ANKRD11: variants seen among roughly 807,000 people sequenced by gnomAD.
ANKRD11 encodes the protein ankyrin repeat domain-containing protein 11.
Under a neutral mutation model 195.7 loss-of-function variants are expected in ANKRD11, and 17 were observed. The observed-to-expected ratio is 0.09, with a 90% confidence interval of 0.06 to 0.13. The LOEUF is 0.13. Ranked by LOEUF, ANKRD11 falls within the 10% of genes least tolerant of loss-of-function variation. The pLI, the probability that ANKRD11 is intolerant of heterozygous loss-of-function variation, is 1.00. For missense variants in ANKRD11, 3,735 were observed against 3,566.1 expected (o/e 1.05, Z -1.21); for synonymous variants, 1,953 against 1,528.1 (o/e 1.28, Z -6.49).
chr16:89,316,878 C>T (rs1012936744), intron 3 of ANKRD11, 55 bp downstream of exon 3: 40 of 1,587,064 alleles, frequency 2.5e-5, no homozygotes, highest in Non-Finnish European at 3.3e-5. Context: ...CCCATTCCCA[C>T]CTCATCCCCA....
chr16:89,280,242 A>G lies in ANKRD11; in HGVS notation c.6300T>C (p.Asn2100=), dbSNP rs2034075826. The G allele has an allele frequency of 1.9e-6, 3 of 1,608,218 alleles. No homozygotes were observed. The highest frequency in any genetic ancestry group is 2.2e-5 in the East Asian group (1 of 44,832). ...AQVEALGPLE[N]SFLDGSRGLS... is the part of the protein sequence containing the mutation. ...GGCCGCGGCTGCCGTCCAGGAAGCTATTTTCCAGGGGCCCCAGAGCCTCCA... is the reference window on the plus strand; with the variant it reads ...GGCCGCGGCTGCCGTCCAGGAAGCTGTTTTCCAGGGGCCCCAGAGCCTCCA... The change falls in exon 9 of 13, where the codon AAT becomes AAC. Residue 2100 remains asparagine, a synonymous_variant. Transcript: ENST00000301030.
chr16:89,279,829 C>T lies in ANKRD11; in HGVS notation c.6713G>A (p.Ser2238Asn), dbSNP rs1249199496. ...EERARGDPDS[S>N]VEPAPVPPEQ... ...TGGGGGAACGGGCGCGGGCTCCACG[C>T]TGGAGTCCGGATCCCCACGGGCCCT... The change falls in exon 9 of 13, where the codon AGC becomes AAC. Residue 2238 changes from serine (S) to asparagine (N), a missense_variant. Coordinates refer to ENST00000301030, the MANE Select transcript of ANKRD11 (RefSeq NM_013275.6). This position sits in a 1 kb window ranked among gnomAD's most constrained non-coding sequence, Gnocchi z 5.6. 1 of 1,546,262 alleles carries T rather than the reference C, an allele frequency of 6.5e-7. No homozygotes were observed. The highest frequency in any genetic ancestry group is 8.7e-7 in the Non-Finnish European group (1 of 1,147,964).
At chr16:89,375,474 T>C (rs2152091190) in intron 2 of ANKRD11, among the ~76,000 whole-genome samples, 1 of 152,064 alleles carries the variant, frequency 6.6e-6, no homozygotes, top group East Asian at 1.9e-4. Context: ...CTTTTTTTTT[T>C]TGGAGATGGA....
intron 4 of ANKRD11, among the ~76,000 whole-genome samples, chr16:89,295,968 C>T (rs2035400456): frequency 9.5e-6 from 1 of 105,704 alleles, no homozygotes; most frequent in African/African-American, 3.7e-5. Context: ...CAGGGAGTGT[C>T]TTCTCTATCT....
At chr16:89,410,451 C>T (rs1257274374) in intron 2 of ANKRD11, among the ~76,000 whole-genome samples, 1 of 152,066 alleles carries the variant, frequency 6.6e-6, no homozygotes, top group Non-Finnish European at 1.5e-5. Context: ...TGGTCTTAGC[C>T]CTCAGACCAG....
At chr16:89,407,775 A>G (rs540549881) in intron 2 of ANKRD11, among the ~76,000 whole-genome samples, 1 of 149,872 alleles carries the variant, frequency 6.7e-6, no homozygotes, top group East Asian at 2.0e-4. Context: ...GCTTGAGCCC[A>G]GGAGGCAGAG....
At chr16:89,347,368 G>A (rs1190863034) in intron 2 of ANKRD11, among the ~76,000 whole-genome samples, 1 of 152,174 alleles carries the variant, frequency 6.6e-6, no homozygotes, top group Non-Finnish European at 1.5e-5. Flanking sequence ...CCAGCACTTT[G>A]AGAGGCCAAG....
chr16:89,358,186 C>T (rs769690332), intron 2 of ANKRD11, among the ~76,000 whole-genome samples: 2 of 152,202 alleles, frequency 1.3e-5, no homozygotes, highest in African/African-American at 2.4e-5. Context: ...CCACCACGTG[C>T]GGGCAGACAC....
At chr16:89,462,074 C>A (rs1197628309) in intron 1 of ANKRD11, among the ~76,000 whole-genome samples, 1 of 88,414 alleles carries the variant, frequency 1.1e-5, no homozygotes, top group African/African-American at 3.7e-5. Context: ...CTCTCCCTCT[C>A]CCTCTCCCCA....
At chr16:89,426,867 C>T (rs553488854) in intron 1 of ANKRD11, among the ~76,000 whole-genome samples, 20 of 152,310 alleles carry the variant, frequency 1.3e-4, no homozygotes, top group African/African-American at 4.8e-4. Context: ...TCAACAATCG[C>T]TTAGTTATTT....
At chr16:89,479,167 G>T (rs79229765) in intron 1 of ANKRD11, among the ~76,000 whole-genome samples, 6,050 of 151,952 alleles carry the variant, frequency 0.04, 254 homozygotes, top group East Asian at 0.22. Flanking sequence ...AGTCCCTGAA[G>T]ATTCAGGTGA....
At chr16:89,487,009 A>AC (rs1242219673) in intron 1 of ANKRD11, among the ~76,000 whole-genome samples, 1 of 40,678 alleles carries the variant, frequency 2.5e-5, no homozygotes, top group Admixed American at 2.7e-4. Flanking sequence ...ACTCCGTCTC[A>AC]AAAAAAAAAA....
At chr16:89,274,233 G>A (rs920996518) in intron 11 of ANKRD11, among the ~76,000 whole-genome samples, 4 of 152,216 alleles carry the variant, frequency 2.6e-5, no homozygotes, top group Non-Finnish European at 5.9e-5. Context: ...TCAAAGGCAC[G>A]GGAGCTGCAG....
intron 2 of ANKRD11, among the ~76,000 whole-genome samples, chr16:89,404,335 G>C (rs1279874893): frequency 6.6e-6 from 1 of 152,150 alleles, no homozygotes; most frequent in East Asian, 1.9e-4. Flanking sequence ...AAATGGAAGT[G>C]CAGGAAGGAA....
intron 1 of ANKRD11, among the ~76,000 whole-genome samples, chr16:89,481,624 G>A (rs1263383427): frequency 1.3e-5 from 2 of 152,174 alleles, no homozygotes; most frequent in East Asian, 1.9e-4. Flanking sequence ...TCCACCGCCT[G>A]CAAACTCTGA....
intron 1 of ANKRD11, among the ~76,000 whole-genome samples, chr16:89,419,026 A>G (rs1046735723): frequency 1.3e-5 from 2 of 152,174 alleles, no homozygotes; most frequent in African/African-American, 4.8e-5. Context: ...CCAGCCTTAA[A>G]AGGCTAATTT....
intron 1 of ANKRD11, among the ~76,000 whole-genome samples, chr16:89,453,911 G>A (rs1241293459): frequency 6.6e-6 from 1 of 152,122 alleles, no homozygotes; most frequent in Non-Finnish European, 1.5e-5. Flanking sequence ...TGGGCAAGTG[G>A]CCCAACTTCC....
chr16:89,417,614 G>T (rs1248292556), intron 2 of ANKRD11, among the ~76,000 whole-genome samples: 1 of 152,092 alleles, frequency 6.6e-6, no homozygotes, highest in East Asian at 1.9e-4. Flanking sequence ...CATACACACT[G>T]GTCTCCAGCT....
At chr16:89,352,274 T>C (rs954640148) in intron 2 of ANKRD11, among the ~76,000 whole-genome samples, 2 of 151,862 alleles carry the variant, frequency 1.3e-5, no homozygotes, top group Admixed American at 1.3e-4. Flanking sequence ...AAGGACTGGA[T>C]CTCACAGTGG....
Sources: allele counts gnomAD v4.1 joint callset (sites outside exome capture counted in the v4.1 genomes callset), GRCh38; gene constraint gnomAD v4.1.1; non-coding constraint Gnocchi (gnomAD v3.1); transcripts MANE v1.5; gene names NCBI Gene and HGNC (gene_info 2026-07-23, HGNC 2026-07-21).